Variants in NRXN3 observed in about 807,000 individuals in gnomAD.
The protein encoded by NRXN3 is neurexin 3, also known as neurexin III.
NRXN3 carries 32 observed loss-of-function variants against 137.6 expected under a neutral mutation model. The ratio of observed to expected loss-of-function variants is 0.23; its 90% CI spans 0.18 to 0.31. The LOEUF is 0.31. Ranked by LOEUF, NRXN3 falls within the 10% of genes least tolerant of loss-of-function variation. The pLI is 1.00. For missense variants in NRXN3, 1,574 were observed against 2,062.5 expected (o/e 0.76, Z 4.59); for synonymous variants, 798 against 784.5 (o/e 1.02, Z -0.29).
chr14:79,176,750 A>G (rs1324695578), intron 15 of NRXN3, among the ~76,000 whole-genome samples: 1 of 152,250 alleles, frequency 6.6e-6, no homozygotes, highest in African/African-American at 2.4e-5. Context: ...CTGACCTAGA[A>G]AAACAAGTTA....
intron 4 of NRXN3, among the ~76,000 whole-genome samples, chr14:78,473,850 A>C (rs2095329122): frequency 6.6e-6 from 1 of 152,188 alleles, no homozygotes; most frequent in African/African-American, 2.4e-5. Flanking sequence ...GACTTCTGCA[A>C]AGGGCTGCTT....
At chr14:78,273,482 G>A (rs528764034) in intron 2 of NRXN3, among the ~76,000 whole-genome samples, 1 of 152,274 alleles carries the variant, frequency 6.6e-6, no homozygotes, top group Admixed American at 6.5e-5. Flanking sequence ...ACAGAAGGAA[G>A]GCAGACAGAC....
chr14:79,461,016 A>G (rs2096330933), intron 15 of NRXN3, among the ~76,000 whole-genome samples: 2 of 152,196 alleles, frequency 1.3e-5, no homozygotes, highest in South Asian at 4.1e-4. Context: ...TCTATTCAAT[A>G]AATAATTTGC....
intron 1 of NRXN3, among the ~76,000 whole-genome samples, chr14:78,183,678 A>T (rs2060001647): frequency 6.6e-6 from 1 of 152,158 alleles, no homozygotes; most frequent in Non-Finnish European, 1.5e-5. Flanking sequence ...TTCTGACTGA[A>T]ATCTCTTCTG....
intron 19 of NRXN3, among the ~76,000 whole-genome samples, chr14:79,718,869 A>G (rs2098832690): frequency 6.6e-6 from 1 of 152,058 alleles, no homozygotes; most frequent in African/African-American, 2.4e-5. Flanking sequence ...ATTCTAGATC[A>G]TTCCAAATGG....
intron 15 of NRXN3, among the ~76,000 whole-genome samples, chr14:79,422,130 G>T (rs980692922): frequency 6.6e-6 from 1 of 152,126 alleles, no homozygotes; most frequent in Non-Finnish European, 1.5e-5. Flanking sequence ...TGTGAGCATG[G>T]CTCACTGTAG....
At chr14:78,451,677 G>C (rs941939734) in intron 4 of NRXN3, among the ~76,000 whole-genome samples, 32 of 152,314 alleles carry the variant, frequency 2.1e-4, no homozygotes, top group Non-Finnish European at 1.0e-4. Flanking sequence ...ACTTAATGCT[G>C]TCTGCTCCTG....
At chr14:79,848,509 A>C (rs1195055318) in intron 20 of NRXN3, among the ~76,000 whole-genome samples, 1 of 152,094 alleles carries the variant, frequency 6.6e-6, no homozygotes, top group Non-Finnish European at 1.5e-5. Context: ...GTGGCCCAAG[A>C]CAATTCTTCT....
In NRXN3 at chr14:79,304,500, G is replaced by A. The variant is rs192647592; in HGVS notation, c.3263-162721G>A. Among the ~76,000 whole-genome samples, 243 of 152,174 alleles carry A rather than the reference G, an allele frequency of 1.6e-3. 1 individual carries two copies. The Middle Eastern group carries it at 0.017, about 11-fold the overall frequency. ...TCATGAATTGGGCAGCTCCAAACCAGAAGTGGTATGGGGATTCCAATGAAG... is the reference window on the plus strand; with the variant it reads ...TCATGAATTGGGCAGCTCCAAACCAAAAGTGGTATGGGGATTCCAATGAAG... On this transcript the variant is annotated intron_variant, in intron 15 of 20. Coordinates refer to ENST00000335750, the MANE Select transcript of NRXN3 (RefSeq NM_001330195.2).
At chr14:79,644,317 CA>C (rs2098444839) in intron 16 of NRXN3, among the ~76,000 whole-genome samples, 1 of 135,406 alleles carries the variant, frequency 7.4e-6, no homozygotes, top group Admixed American at 7.8e-5. Context: ...AATAGTTAAA[CA>C]AAAAATTACC....
At chr14:78,309,048 A>T (rs546959856) in intron 4 of NRXN3, among the ~76,000 whole-genome samples, 1 of 152,288 alleles carries the variant, frequency 6.6e-6, no homozygotes, top group African/African-American at 2.4e-5. Context: ...CAAATCAAAT[A>T]GAGGCTAATG....
chr14:78,926,879 A>T lies in NRXN3; in HGVS notation c.2276-30363A>T, dbSNP rs1175646901. The stretch of plus-strand genomic sequence containing the variant: ...TATATATAATATATATATAATATAT[A>T]ATATATTTATATATATATATAATAT... On this transcript the variant is annotated intron_variant, in intron 10 of 20. Coordinates refer to ENST00000335750, the MANE Select transcript of NRXN3 (RefSeq NM_001330195.2). Among the ~76,000 whole-genome samples the T allele has an allele frequency of 3.0e-4, 7 of 23,222 alleles. 1 individual carries two copies. Among genetic ancestry groups the T allele is most frequent in the African/African-American group, 1.2e-3 (3 of 2,500 alleles). The allele number at this position is 23,222 out of a possible 152,430, so 15.2% of individuals were successfully genotyped here. A position where few individuals can be genotyped will look rare whatever the true frequency, so the allele number is the denominator to read the frequency against.
intron 15 of NRXN3, among the ~76,000 whole-genome samples, chr14:79,010,989 G>A (rs1000834796): frequency 2.0e-5 from 3 of 152,134 alleles, no homozygotes; most frequent in Admixed American, 2.0e-4. Flanking sequence ...TCCAGAGAAC[G>A]TCTAGATGGT....
Position 79,370,380 on chromosome 14 carries a change from G to A in NRXN3, c.3263-96841G>A, listed in dbSNP as rs577682198. On this transcript the variant is annotated intron_variant, in intron 15 of 20. Coordinates refer to ENST00000335750, the MANE Select transcript of NRXN3 (RefSeq NM_001330195.2). ...ATTGCCCAGGCTGGAGTGAAATGGC[G>A]CCATCTTGGCTCACTGCAACCTCTG... Among the ~76,000 whole-genome samples the A allele has an allele frequency of 1.4e-4, 21 of 149,270 alleles. No homozygotes were observed. The East Asian group carries it at 3.4e-3, about 24-fold the overall frequency.
intron 15 of NRXN3, among the ~76,000 whole-genome samples, chr14:79,191,496 A>G (rs1395787122): frequency 6.6e-6 from 1 of 152,216 alleles, no homozygotes; most frequent in Non-Finnish European, 1.5e-5. Flanking sequence ...GACTTCTTGC[A>G]TAACTATGTT....
intron 2 of NRXN3, among the ~76,000 whole-genome samples, chr14:78,266,914 C>T (rs1303600685): frequency 6.6e-6 from 1 of 152,148 alleles, no homozygotes; most frequent in Non-Finnish European, 1.5e-5. Flanking sequence ...TACTGACTTT[C>T]TTCTGGGGTT....
chr14:79,633,229 T>G (rs1487514892), intron 16 of NRXN3: 4 of 152,182 alleles, frequency 2.6e-5, no homozygotes, highest in Non-Finnish European at 5.9e-5. Flanking sequence ...GAGCCAAAAT[T>G]TAAGCCATGC....
intron 10 of NRXN3, among the ~76,000 whole-genome samples, chr14:78,910,700 T>C (rs2099234881): frequency 6.6e-6 from 1 of 152,148 alleles, no homozygotes; most frequent in Admixed American, 6.6e-5. Context: ...TCTTCACTAA[T>C]TTGCTTGATT....
At position 79,754,591 on chromosome 14, in the gene NRXN3, T is replaced by C. The variant is rs147379410; in HGVS notation, c.4015-50521T>C. On this transcript the variant is annotated intron_variant, in intron 19 of 20. Coordinates refer to ENST00000335750, the MANE Select transcript of NRXN3 (RefSeq NM_001330195.2). ...ACACATACACACACACACACACACA[T>C]ATATATACACACACATACACACACA... Among the ~76,000 whole-genome samples, 967 of 141,350 alleles carry C rather than the reference T, an allele frequency of 6.8e-3. 18 individuals carry two copies. The highest frequency in any genetic ancestry group is 0.023 in the African/African-American group (889 of 38,670). The allele number at this position is 141,350 out of a possible 152,430, so 92.7% of individuals were successfully genotyped here.
Sources: gnomAD v4.1 joint callset for allele counts (sites outside exome capture counted in the v4.1 genomes callset) on GRCh38, gnomAD v4.1.1 for gene constraint, MANE v1.5 for transcripts, NCBI Gene and HGNC (gene_info 2026-07-23, HGNC 2026-07-21) for gene names.